The following BBS7 variants were observed in gnomAD, a reference collection of about 807,000 sequenced individuals.
BBS7 encodes the protein Bardet-Biedl syndrome 7.
In BBS7, 50 loss-of-function variants were observed where a neutral mutation model predicts 90.3. The observed-to-expected ratio is 0.55, with a 90% CI of 0.44 to 0.70. The LOEUF is 0.70. BBS7 is among the 30% of genes least tolerant of loss of function. The probability of loss-of-function intolerance (pLI) is 0.00; values close to 1 mark genes in which losing one functional copy is unlikely to be tolerated. For missense variants in BBS7, 729 were observed against 838.9 expected (o/e 0.87, Z 1.62); for synonymous variants, 235 against 287.4 (o/e 0.82, Z 1.85).
chr4:121,860,723 A>T (rs545803752), intron 4 of BBS7, among the ~76,000 whole-genome samples: 1 of 152,260 alleles, frequency 6.6e-6, no homozygotes, highest in South Asian at 2.1e-4. Context: ...ATTTTAATCT[A>T]ATTTCACCAA....
At position 121,859,171 on chromosome 4, in the gene BBS7, A is replaced by C. The variant is rs771089464; in HGVS notation, c.349T>G (p.Ser117Ala). The C allele has an allele frequency of 1.2e-6, 2 of 1,613,672 alleles. No individual in the cohort carries two copies. Among genetic ancestry groups the C allele is most frequent in the Non-Finnish European group, 1.7e-6 (2 of 1,179,606 alleles). ...LTESIKAMHI[S>A]GSDLFLSASY... Reference sequence around the variant, plus strand: ...GCACTGAGAAAGAGGTCTGAGCCAGATATGTGCCTGAGAACATTAAAATAG... The same window carrying C: ...GCACTGAGAAAGAGGTCTGAGCCAGCTATGTGCCTGAGAACATTAAAATAG... Residue 117 changes from serine (S) to alanine (A), a missense_variant, in exon 5 of 19, where the codon TCT (serine) becomes GCT (alanine). Transcript: ENST00000264499.
At chr4:121,864,045 A>G (rs1727129891) in intron 2 of BBS7, among the ~76,000 whole-genome samples, 1 of 152,212 alleles carries the variant, frequency 6.6e-6, no homozygotes, top group South Asian at 2.1e-4. Flanking sequence ...AGATTCTCAT[A>G]GAAGCACAAA....
intron 7 of BBS7, 72 bp from the exon 8 acceptor site, chr4:121,853,158 T>A: frequency 2.0e-6 from 3 of 1,527,644 alleles, no homozygotes; most frequent in Non-Finnish European, 2.7e-6. Context: ...CAAGTAAGAA[T>A]GAAAAAAACA....
chr4:121,852,421 A>G (rs1251593765), intron 8 of BBS7, among the ~76,000 whole-genome samples: 2 of 152,098 alleles, frequency 1.3e-5, no homozygotes, highest in African/African-American at 4.8e-5. Context: ...TCTCTATGTA[A>G]CTTTATAGCT....
At chr4:121,867,175 T>C (rs567772932) in intron 2 of BBS7, among the ~76,000 whole-genome samples, 1 of 152,258 alleles carries the variant, frequency 6.6e-6, no homozygotes, top group South Asian at 2.1e-4. Flanking sequence ...AAGTATTTTA[T>C]CTTTTATCTA....
chr4:121,857,168 G>A (rs1726721349), intron 5 of BBS7, among the ~76,000 whole-genome samples: 1 of 151,098 alleles, frequency 6.6e-6, no homozygotes, highest in African/African-American at 2.4e-5. Flanking sequence ...ATCCAGGCTG[G>A]AGTGCAGTGC....
At chr4:121,858,970 GA>G in intron 5 of BBS7, 21 bp downstream of exon 5, 1 of 1,606,106 alleles carries the variant, frequency 6.2e-7, no homozygotes, top group Non-Finnish European at 8.5e-7. Context: ...TAAAAAATTA[GA>G]AAAATACAAA....
intron 18 of BBS7, 125 bp downstream of exon 18, chr4:121,828,010 AACTGATTCATG>A: frequency 2.7e-6 from 4 of 1,489,974 alleles, no homozygotes; most frequent in Non-Finnish European, 2.7e-6. Context: ...ATTTGTTGTC[AACTGATTCATG>A]ACTGGTTCAT....
At chr4:121,855,833 C>T (rs1726592921) in intron 5 of BBS7, among the ~76,000 whole-genome samples, 1 of 87,736 alleles carries the variant, frequency 1.1e-5, no homozygotes, top group Non-Finnish European at 2.9e-5. Flanking sequence ...CATATATACA[C>T]ATATGTATAC....
At position 121,861,667 on chromosome 4, in the gene BBS7, T is replaced by A. The variant is rs1460357186; in HGVS notation, c.178A>T (p.Thr60Ser). 6.2e-7 allele frequency: 1 copy of A among 1,613,592 alleles called. No individual in the cohort carries two copies. The highest frequency in any genetic ancestry group is 2.2e-5 in the East Asian group (1 of 44,866). Reference sequence around the variant, plus strand: ...CTTGCAATCTTCGGCCCGGGTAAAGTCTTGAACACTGCCTGAAAAAAATCA... The same window carrying A: ...CTTGCAATCTTCGGCCCGGGTAAAGACTTGAACACTGCCTGAAAAAAATCA... ...KKGEAAAVFK[T>S]LPGPKIARLE... The change falls in exon 4 of 19, where the codon ACT becomes TCT. Residue 60 changes from threonine (T) to serine (S), a missense_variant. By Grantham distance (58) the Thr-to-Ser change is moderately conservative. Transcript: ENST00000264499.
intron 5 of BBS7, among the ~76,000 whole-genome samples, chr4:121,856,074 T>A (rs1282010354): frequency 6.6e-6 from 1 of 152,202 alleles, no homozygotes; most frequent in Non-Finnish European, 1.5e-5. Context: ...CTGGCAGATT[T>A]TCCTATCAAG....
At chr4:121,853,121 G>T in intron 7 of BBS7, 35 bp from the exon 8 acceptor site, 1 of 1,599,852 alleles carries the variant, frequency 6.3e-7, no homozygotes, top group South Asian at 1.1e-5. Flanking sequence ...TTATTAAGAA[G>T]ACTAATAGTT....
At chr4:121,829,763 A>G (rs1725093927) in intron 15 of BBS7, among the ~76,000 whole-genome samples, 1 of 152,194 alleles carries the variant, frequency 6.6e-6, no homozygotes, top group Non-Finnish European at 1.5e-5. Flanking sequence ...GAAGCTCTAT[A>G]GCAGCTGAAA....
chr4:121,837,831 G>A (rs371689376), intron 13 of BBS7, among the ~76,000 whole-genome samples: 10 of 152,038 alleles, frequency 6.6e-5, no homozygotes, highest in South Asian at 2.1e-4. Context: ...ACGGTTGGGC[G>A]TGGTGGCTCA....
intron 4 of BBS7, 86 bp from the exon 5 acceptor site, chr4:121,859,264 T>C: frequency 8.7e-7 from 1 of 1,143,054 alleles, no homozygotes. Flanking sequence ...TGTATACAGT[T>C]TACTAACATT....
intron 15 of BBS7, among the ~76,000 whole-genome samples, chr4:121,829,751 G>A (rs1320351234): frequency 6.6e-6 from 1 of 152,160 alleles, no homozygotes; most frequent in Non-Finnish European, 1.5e-5. Context: ...CAGTGGGCAA[G>A]AGAAGCTCTA....
chr4:121,856,523 T>G (rs560518565), intron 5 of BBS7, among the ~76,000 whole-genome samples: 7 of 152,134 alleles, frequency 4.6e-5, no homozygotes, highest in South Asian at 2.1e-4. Context: ...AAGACCAGCC[T>G]GACCAACATG....
chr4:121,834,994 A>G (rs1011099912), intron 14 of BBS7, 150 bp downstream of exon 14: 5 of 751,538 alleles, frequency 6.7e-6, no homozygotes, highest in Non-Finnish European at 1.0e-5. Flanking sequence ...TCTTATATTT[A>G]TTGGAAATAT....
At chr4:121,829,336 G>A (rs1725063159) in intron 15 of BBS7, among the ~76,000 whole-genome samples, 3 of 151,506 alleles carry the variant, frequency 2.0e-5, no homozygotes, top group Admixed American at 2.0e-4. Flanking sequence ...CTGGGTTCAA[G>A]CGATTCTCCT....
Sources: allele counts gnomAD v4.1 joint callset (sites outside exome capture counted in the v4.1 genomes callset), GRCh38; gene constraint gnomAD v4.1.1; transcripts MANE v1.5; gene names NCBI Gene and HGNC (gene_info 2026-07-23, HGNC 2026-07-21).